Variants in FGF12 observed in about 807,000 individuals in gnomAD.
FGF12 encodes the protein fibroblast growth factor 12, also known as fibroblast growth factor 12B.
A neutral mutation model predicts 23.6 loss-of-function variants in FGF12; 14 were observed. The observed-to-expected ratio is 0.59, with a 90% CI of 0.39 to 0.93. The LOEUF is 0.93. Among genes scored for constraint, FGF12 ranks in the 40% least tolerant of loss-of-function variants. The pLI, the probability that FGF12 is intolerant of heterozygous loss-of-function variation, is 0.00. For synonymous variants in FGF12, 62 were observed against 77.3 expected, an observed-to-expected ratio of 0.80 and a Z score of 1.04; for missense variants, 175 against 217.8, an observed-to-expected ratio of 0.80 and a Z score of 1.24.
rs190313224 is a variant in FGF12, at chr3:192,279,585, G to A, written c.228+55776C>T. Among the ~76,000 whole-genome samples, 97 of 152,288 alleles carry A rather than the reference G, an allele frequency of 6.4e-4. No homozygotes were observed. The East Asian group carries it at 0.011, about 17-fold the overall frequency. On this transcript the variant is annotated intron_variant, in intron 4 of 5. Transcript: ENST00000445105. ...TGTCAGTTGAGCTTCAGAGCCTACA[G>A]TCCTATCCAGGAGGCACATGATATA...
At chr3:192,538,341 T>G (rs1442459353) in intron 2 of FGF12, among the ~76,000 whole-genome samples, 1 of 152,186 alleles carries the variant, frequency 6.6e-6, no homozygotes, top group Non-Finnish European at 1.5e-5. Flanking sequence ...CGTACAGATA[T>G]CCAGTTTTCT....
At chr3:192,305,679 A>AAAAATATATATAT (rs1423738741) in intron 4 of FGF12, among the ~76,000 whole-genome samples, 3 of 131,930 alleles carry the variant, frequency 2.3e-5, no homozygotes, top group South Asian at 5.2e-4. Flanking sequence ...AAAAAAAAAA[A>AAAAATATATATAT]ATATATATAT....
At chr3:192,219,401 A>G (rs571313335) in intron 4 of FGF12, among the ~76,000 whole-genome samples, 34 of 152,316 alleles carry the variant, frequency 2.2e-4, no homozygotes, top group African/African-American at 7.5e-4. Context: ...ATTTTTAAAT[A>G]TCAGAAGAAC....
At chr3:192,314,401 A>C (rs905928711) in intron 4 of FGF12, among the ~76,000 whole-genome samples, 11 of 152,194 alleles carry the variant, frequency 7.2e-5, no homozygotes, top group African/African-American at 2.7e-4. Context: ...AGTAAAATCT[A>C]CTGGAACTTC....
chr3:192,636,573 GAC>G (rs1346978596), intron 2 of FGF12, among the ~76,000 whole-genome samples: 1 of 152,206 alleles, frequency 6.6e-6, no homozygotes, highest in Non-Finnish European at 1.5e-5. Context: ...TCAAGGATAT[GAC>G]AGTGTCTAGT....
At chr3:192,661,754 T>C (rs1234690929) in intron 2 of FGF12, among the ~76,000 whole-genome samples, 2 of 152,254 alleles carry the variant, frequency 1.3e-5, no homozygotes, top group South Asian at 2.1e-4. Flanking sequence ...CCAGACAAAA[T>C]GTAATCAATC....
intron 4 of FGF12, among the ~76,000 whole-genome samples, chr3:192,232,918 G>A (rs949426985): frequency 1.3e-5 from 2 of 152,114 alleles, no homozygotes; most frequent in African/African-American, 2.4e-5. Context: ...ATTCCACGAC[G>A]TACATGTGCC....
chr3:192,312,478 T>C (rs535956254), intron 4 of FGF12, among the ~76,000 whole-genome samples: 1 of 151,976 alleles, frequency 6.6e-6, no homozygotes, highest in South Asian at 2.1e-4. Flanking sequence ...ATCTTTTCAT[T>C]GAAATAACTA....
chr3:192,707,611 T>A (rs1718513014), intron 2 of FGF12, among the ~76,000 whole-genome samples: 1 of 151,898 alleles, frequency 6.6e-6, no homozygotes, highest in Admixed American at 6.6e-5. Context: ...CTGGGTGTGG[T>A]GGCAGGTGCC....
chr3:192,709,719 A>G (rs1013932682), intron 2 of FGF12, among the ~76,000 whole-genome samples: 2 of 152,182 alleles, frequency 1.3e-5, no homozygotes, highest in African/African-American at 2.4e-5. Flanking sequence ...CTGGAAAATT[A>G]TTGCTTGAAT....
chr3:192,327,649 A>T (rs965655372), intron 4 of FGF12, among the ~76,000 whole-genome samples: 10 of 147,004 alleles, frequency 6.8e-5, no homozygotes, highest in Non-Finnish European at 7.5e-5. Flanking sequence ...ACTATTCATT[A>T]AAAAAGGTCC....
intron 4 of FGF12, among the ~76,000 whole-genome samples, chr3:192,317,883 G>T (rs555698207): frequency 7.2e-5 from 11 of 151,942 alleles, no homozygotes; most frequent in Non-Finnish European, 1.3e-4. Context: ...TTAGCACAGA[G>T]AGAGAGAGAG....
intron 4 of FGF12, among the ~76,000 whole-genome samples, chr3:192,320,379 C>A (rs1262188117): frequency 6.6e-6 from 1 of 152,166 alleles, no homozygotes; most frequent in African/African-American, 2.4e-5. Flanking sequence ...CCGGAGACTT[C>A]AATGCCCCAC....
chr3:192,190,712 T>G (rs1462488456), intron 4 of FGF12, among the ~76,000 whole-genome samples: 2 of 151,814 alleles, frequency 1.3e-5, no homozygotes, highest in Non-Finnish European at 2.9e-5. Flanking sequence ...CCTGACCTCG[T>G]GATCCGCCCA....
chr3:192,233,286 A>G (rs1046394676), intron 4 of FGF12, among the ~76,000 whole-genome samples: 1 of 151,970 alleles, frequency 6.6e-6, no homozygotes, highest in African/African-American at 2.4e-5. Flanking sequence ...GTTTTTATTT[A>G]CATTTCTCTA....
At chr3:192,527,982 C>T (rs1275300419) in intron 2 of FGF12, among the ~76,000 whole-genome samples, 3 of 152,136 alleles carry the variant, frequency 2.0e-5, no homozygotes, top group Non-Finnish European at 4.4e-5. Flanking sequence ...TGGGTCCCTC[C>T]CACAACATGT....
intron 3 of FGF12, among the ~76,000 whole-genome samples, chr3:192,346,391 CTTAAT>C (rs1476781859): frequency 2.0e-5 from 3 of 152,128 alleles, no homozygotes; most frequent in Non-Finnish European, 4.4e-5. Flanking sequence ...CTGTCCTAAT[CTTAAT>C]TTATTTATTT....
intron 2 of FGF12, among the ~76,000 whole-genome samples, chr3:192,448,157 T>G (rs563804597): frequency 1.3e-5 from 2 of 152,322 alleles, no homozygotes; most frequent in Admixed American, 1.3e-4. Flanking sequence ...GAAGGACACT[T>G]GGGTTATTTC....
intron 5 of FGF12, among the ~76,000 whole-genome samples, chr3:192,157,493 G>A (rs1488038332): frequency 6.6e-6 from 1 of 150,960 alleles, no homozygotes; most frequent in Non-Finnish European, 1.5e-5. Context: ...GTAGGATTAG[G>A]TATGGATTTT....
Sources: gnomAD v4.1 joint callset for allele counts (sites outside exome capture counted in the v4.1 genomes callset) on GRCh38, gnomAD v4.1.1 for gene constraint, MANE v1.5 for transcripts, NCBI Gene and HGNC (gene_info 2026-07-23, HGNC 2026-07-21) for gene names.